Variants in NHS observed in about 807,000 individuals in gnomAD.
The protein encoded by NHS is NHS actin remodeling regulator, also known as actin remodeling regulator NHS.
NHS carries 5 observed loss-of-function variants against 72.5 expected under a neutral mutation model. The ratio of observed to expected loss-of-function variants is 0.07; its 90% CI spans 0.04 to 0.14. NHS has a LOEUF of 0.14. Ranked by LOEUF, NHS falls within the 10% of genes least tolerant of loss-of-function variation. The pLI is 1.00. For missense variants in NHS, 1,072 were observed against 1,355.7 expected (o/e 0.79, Z 3.29); for synonymous variants, 464 against 547.7 (o/e 0.85, Z 2.13).
intron 1 of NHS, among the ~76,000 whole-genome samples, chrX:17,617,913 T>A: frequency 8.9e-6 from 1 of 112,074 alleles, no homozygotes; most frequent in Non-Finnish European, 1.9e-5. Flanking sequence ...ATGAGCTTAT[T>A]ATCTGCTGCT....
intron 1 of NHS, among the ~76,000 whole-genome samples, chrX:17,550,259 A>C (rs373749044): frequency 9.8e-5 from 11 of 111,850 alleles, no homozygotes; most frequent in African/African-American, 2.9e-4. Context: ...GAACATCTCA[A>C]ACCTTCCTTG....
intron 3 of NHS, among the ~76,000 whole-genome samples, chrX:17,709,993 G>C (rs1383755180): frequency 8.9e-6 from 1 of 111,763 alleles, no homozygotes; most frequent in East Asian, 2.8e-4. Context: ...GCCATAGCTG[G>C]GGGCAAAGGA....
rs186610065 is a variant in NHS, at chrX:17,611,741, A to G, written c.566-76001A>G. ...CAGGTACTCAGAGAAGAGATGAGGGAGTCTCCTTGGGAGTGAAAGCCAAGG... is the reference window on the plus strand; with the variant it reads ...CAGGTACTCAGAGAAGAGATGAGGGGGTCTCCTTGGGAGTGAAAGCCAAGG... On this transcript the variant is annotated intron_variant, in intron 1 of 8. Coordinates refer to ENST00000676302, the MANE Select transcript of NHS (RefSeq NM_001291867.2). 3.6e-3 allele frequency among the ~76,000 whole-genome samples: 405 copies of G among 111,033 alleles called. 4 individuals are homozygous for G. Among genetic ancestry groups the G allele is most frequent in the African/African-American group, 0.013 (382 of 30,537 alleles).
At chrX:17,516,044 TAAA>T (rs367873952) in intron 1 of NHS, among the ~76,000 whole-genome samples, 30 of 89,053 alleles carry the variant, frequency 3.4e-4, no homozygotes, top group African/African-American at 1.1e-3. Flanking sequence ...TTAAAAGATG[TAAA>T]AAAAAAAAAA....
chrX:17,551,320 G>A (rs1309295615), intron 1 of NHS, among the ~76,000 whole-genome samples: 1 of 112,030 alleles, frequency 8.9e-6, no homozygotes, highest in Non-Finnish European at 1.9e-5. Flanking sequence ...CTGGACCAGA[G>A]AATGTCTTTC....
intron 3 of NHS, among the ~76,000 whole-genome samples, chrX:17,695,499 A>T (rs1462267797): frequency 8.9e-6 from 1 of 112,047 alleles, no homozygotes; most frequent in Non-Finnish European, 1.9e-5. Flanking sequence ...AAAAAATGTC[A>T]ACGAGTGTAT....
intron 1 of NHS, among the ~76,000 whole-genome samples, chrX:17,488,343 G>A (rs1203736174): frequency 9.0e-6 from 1 of 111,446 alleles, no homozygotes; most frequent in Non-Finnish European, 1.9e-5. Flanking sequence ...TCCAGTCAGG[G>A]TGACGTTTGG....
intron 1 of NHS, among the ~76,000 whole-genome samples, chrX:17,421,257 A>ACG (rs1205137230): frequency 6.8e-5 from 7 of 103,209 alleles, no homozygotes; most frequent in African/African-American, 2.8e-4. Context: ...GCGCACACAC[A>ACG]CACACACACG....
At chrX:17,728,470 G>C (rs1264357738) in intron 7 of NHS, 142 bp downstream of exon 7, 17 of 868,770 alleles carry the variant, frequency 2.0e-5, no homozygotes, top group Non-Finnish European at 2.7e-5. Context: ...AAACAATTGA[G>C]ATAAAAGCTT....
At chrX:17,718,755 AGAAGGAAGAAAGGAAAGAAGGAAG>A in intron 3 of NHS, among the ~76,000 whole-genome samples, 1 of 91,736 alleles carries the variant, frequency 1.1e-5, no homozygotes, top group African/African-American at 4.0e-5. Flanking sequence ...GAGGGAGGGA[AGAAGGAAGAAAGGAAAGAAGGAAG>A]GAAGGAGGGA....
At chrX:17,485,522 C>T (rs1347400980) in intron 1 of NHS, among the ~76,000 whole-genome samples, 1 of 111,244 alleles carries the variant, frequency 9.0e-6, no homozygotes, top group East Asian at 2.8e-4. Flanking sequence ...TGGAGTTTTG[C>T]CAGTTGGCCC....
At chrX:17,552,653 G>C (rs1038117527) in intron 1 of NHS, 94 of 111,990 alleles carry the variant, frequency 8.4e-4, no homozygotes, top group African/African-American at 3.0e-3. Context: ...TAAGGGAGAG[G>C]GGGTGGGGAA....
At chrX:17,443,719 A>G (rs2064766581) in intron 1 of NHS, among the ~76,000 whole-genome samples, 1 of 112,061 alleles carries the variant, frequency 8.9e-6, no homozygotes, top group African/African-American at 3.2e-5. Flanking sequence ...CCTTGTTCAA[A>G]TGGTGCAATT....
chrX:17,408,507 G>T (rs1431131187), intron 1 of NHS, among the ~76,000 whole-genome samples: 1 of 111,246 alleles, frequency 9.0e-6, no homozygotes, highest in Non-Finnish European at 1.9e-5. Flanking sequence ...CTTTGTCTTT[G>T]TGTCCCCAGC....
chrX:17,537,245 G>T (rs770099398), intron 1 of NHS, among the ~76,000 whole-genome samples: 2 of 112,203 alleles, frequency 1.8e-5, no homozygotes, highest in South Asian at 7.5e-4. Flanking sequence ...GACCAGCTAA[G>T]TTCGATCAAA....
chrX:17,427,557 A>G (rs2064663660), intron 1 of NHS, among the ~76,000 whole-genome samples: 1 of 112,642 alleles, frequency 8.9e-6, no homozygotes, highest in Non-Finnish European at 1.9e-5. Flanking sequence ...GGCTGAAGCC[A>G]TGATTCCCAC....
At chrX:17,713,667 G>C (rs2066348241) in intron 3 of NHS, among the ~76,000 whole-genome samples, 1 of 111,720 alleles carries the variant, frequency 9.0e-6, no homozygotes, top group Non-Finnish European at 1.9e-5. Context: ...GTAAAATATG[G>C]AGTGGAGGGA....
At chrX:17,604,843 G>T (rs1200602746) in intron 1 of NHS, among the ~76,000 whole-genome samples, 2 of 112,107 alleles carry the variant, frequency 1.8e-5, no homozygotes, top group Non-Finnish European at 3.8e-5. Flanking sequence ...ATGATTTGAG[G>T]TCCCTCACAT....
intron 1 of NHS, among the ~76,000 whole-genome samples, chrX:17,563,770 G>A (rs1436996895): frequency 9.1e-6 from 1 of 109,763 alleles, no homozygotes; most frequent in Non-Finnish European, 1.9e-5. Flanking sequence ...TGTGGTTTCT[G>A]TGGGTGGCAA....
Sources: allele counts gnomAD v4.1 joint callset (sites outside exome capture counted in the v4.1 genomes callset), GRCh38; gene constraint gnomAD v4.1.1; transcripts MANE v1.5; gene names NCBI Gene and HGNC (gene_info 2026-07-23, HGNC 2026-07-21).